The following ADAT1 variants were observed in gnomAD, a reference collection of about 807,000 sequenced individuals.
ADAT1 encodes the protein tRNA-specific adenosine deaminase 1.
A neutral mutation model predicts 58.6 loss-of-function variants in ADAT1; 58 were observed. The observed-to-expected ratio is 0.99, with a 90% CI of 0.80 to 1.23. The LOEUF is 1.23. Ranked by LOEUF, ADAT1 falls within the 50% of genes most tolerant of loss-of-function variation. ADAT1 has a pLI of 0.00. For missense variants in ADAT1, 741 were observed against 608.6 expected (o/e 1.22, Z -2.29); for synonymous variants, 254 against 220.8 (o/e 1.15, Z -1.33).
At chr16:75,612,906 T>C (rs766981904) in intron 5 of ADAT1, 45 bp from the exon 6 acceptor site, 8 of 1,569,314 alleles carry the variant, frequency 5.1e-6, no homozygotes, top group East Asian at 2.2e-5. Context: ...TCAAGTGAGG[T>C]CCCTGGACCA....
intron 6 of ADAT1, among the ~76,000 whole-genome samples, chr16:75,611,165 T>C (rs756630796): frequency 6.6e-6 from 1 of 152,078 alleles, no homozygotes. Context: ...TTAAAAAACA[T>C]ATATAATGGC....
At chr16:75,607,961 T>C (rs77451730) in intron 8 of ADAT1, among the ~76,000 whole-genome samples, 1,874 of 152,260 alleles carry the variant, frequency 0.012, 45 homozygotes, top group African/African-American at 0.042. Flanking sequence ...CAAAACACTA[T>C]GCTAAGTGAA....
At chr16:75,617,302 A>G (rs754796582) in intron 4 of ADAT1, 30 bp from the exon 5 acceptor site, 2 of 1,601,630 alleles carry the variant, frequency 1.2e-6, no homozygotes, top group Admixed American at 3.4e-5. Flanking sequence ...ATTAGGATGA[A>G]CAACCGATCT....
chr16:75,614,755 G>A (rs1010474758), intron 5 of ADAT1, among the ~76,000 whole-genome samples: 8 of 152,156 alleles, frequency 5.3e-5, no homozygotes, highest in African/African-American at 1.9e-4. Context: ...TTACTCATAG[G>A]ATGTAAATAC....
intron 1 of ADAT1, among the ~76,000 whole-genome samples, chr16:75,621,163 T>C (rs781141004): frequency 4.6e-5 from 7 of 152,080 alleles, no homozygotes; most frequent in Non-Finnish European, 8.8e-5. Flanking sequence ...GGAAACGGCA[T>C]GTAAAGGGTT....
intron 8 of ADAT1, among the ~76,000 whole-genome samples, chr16:75,605,942 A>G (rs1297077981): frequency 6.6e-6 from 1 of 151,104 alleles, no homozygotes; most frequent in Admixed American, 6.6e-5. Flanking sequence ...TGTCTCAAAA[A>G]AAAAAAAAAA....
chr16:75,618,509 CAAAA>C (rs535021597), intron 4 of ADAT1, 73 bp downstream of exon 4: 592 of 778,616 alleles, frequency 7.6e-4, no homozygotes, highest in Non-Finnish European at 8.8e-4. Flanking sequence ...CTGTCCCCCC[CAAAA>C]AAAAAAAAAA....
chr16:75,618,564 T>C (rs761397194), intron 4 of ADAT1, 22 bp downstream of exon 4: 68 of 1,457,386 alleles, frequency 4.7e-5, no homozygotes, highest in Middle Eastern at 1.8e-4. Context: ...TGCTGAACCA[T>C]ACTCTGGAGA....
At chr16:75,622,028 T>C (rs1227570029) in intron 1 of ADAT1, among the ~76,000 whole-genome samples, 1 of 152,134 alleles carries the variant, frequency 6.6e-6, no homozygotes, top group Non-Finnish European at 1.5e-5. Context: ...CGCGTGCCTG[T>C]AGTCCCAGCT....
chr16:75,605,342 G>A (rs1352196109), intron 8 of ADAT1, among the ~76,000 whole-genome samples: 2 of 152,090 alleles, frequency 1.3e-5, no homozygotes, highest in Non-Finnish European at 2.9e-5. Flanking sequence ...GCCTGCCTCG[G>A]CCTCCCAAAG....
At chr16:75,608,467 G>T in intron 7 of ADAT1, 144 bp from the exon 8 acceptor site, 3 of 671,896 alleles carry the variant, frequency 4.5e-6, no homozygotes, top group South Asian at 1.9e-5. Flanking sequence ...TTGGATGCTT[G>T]GCCTCCAGGG....
intron 9 of ADAT1, among the ~76,000 whole-genome samples, chr16:75,601,381 C>T (rs1409659497): frequency 6.6e-6 from 1 of 151,966 alleles, no homozygotes; most frequent in Non-Finnish European, 1.5e-5. Flanking sequence ...TATCAAAACC[C>T]TACTACAAAC....
At chr16:75,614,993 G>A (rs2081655431) in intron 5 of ADAT1, among the ~76,000 whole-genome samples, 1 of 152,138 alleles carries the variant, frequency 6.6e-6, no homozygotes, top group South Asian at 2.1e-4. Flanking sequence ...GGGAGGCCGA[G>A]GTGGGCGAAT....
At position 75,617,341 on chromosome 16, in the gene ADAT1, G is replaced by A. The variant is rs189664256; in HGVS notation, c.294-69C>T. Reference sequence around the variant, plus strand: ...TGGTAAGGGGAAAGCCTCTGGTTGGGTGATTACTAAGACAGCTTACTGTAG... The same window carrying A: ...TGGTAAGGGGAAAGCCTCTGGTTGGATGATTACTAAGACAGCTTACTGTAG... On this transcript the variant is annotated intron_variant, in intron 4 of 9. Coordinates refer to ENST00000564657, the MANE Select transcript of ADAT1 (RefSeq NM_001324445.2). 182 of 1,555,934 alleles carry A rather than the reference G, an allele frequency of 1.2e-4. 1 individual carries two copies. The East Asian group carries it at 2.2e-3, about 19-fold the overall frequency.
chr16:75,619,047 C>T (rs1199104310), intron 3 of ADAT1, among the ~76,000 whole-genome samples: 4 of 152,170 alleles, frequency 2.6e-5, no homozygotes, highest in Admixed American at 6.5e-5. Flanking sequence ...AAACCTCATT[C>T]GGAGAACAAA....
intron 8 of ADAT1, among the ~76,000 whole-genome samples, chr16:75,607,828 A>C (rs1324364908): frequency 6.6e-6 from 1 of 152,220 alleles, no homozygotes; most frequent in African/African-American, 2.4e-5. Context: ...CAAAGAGTGA[A>C]ACAACCCAAA....
intron 4 of ADAT1, among the ~76,000 whole-genome samples, chr16:75,617,936 A>C (rs1006387893): frequency 4.2e-5 from 6 of 142,954 alleles, no homozygotes; most frequent in Admixed American, 6.9e-5. Flanking sequence ...AAAAAAAAAA[A>C]CCCAGGAAAA....
In ADAT1 at chr16:75,603,147, G is replaced by A; in HGVS notation, c.1314C>T (p.Leu438=). 1.2e-6 allele frequency: 2 copies of A among 1,614,108 alleles called. No individual in the cohort carries two copies. Among genetic ancestry groups the A allele is most frequent in the Non-Finnish European group, 1.7e-6 (2 of 1,179,954 alleles). Residue 438 remains leucine (L), a synonymous_variant, in exon 9 of 10, where the codon CTC becomes CTT. Coordinates refer to ENST00000564657, the MANE Select transcript of ADAT1 (RefSeq NM_001324445.2). ...TTAGCAGCTTCTGGAATGATCTGAA[G>A]AGTTCCACTTTGCTGATTTGGGATC... ...QARSQISKVE[L]FRSFQKLLSR...
At chr16:75,618,309 A>G (rs2081806713) in intron 4 of ADAT1, among the ~76,000 whole-genome samples, 1 of 151,930 alleles carries the variant, frequency 6.6e-6, no homozygotes, top group East Asian at 1.9e-4. Context: ...GTTTAAAACC[A>G]GCCTGGCCAG....
Sources: allele counts gnomAD v4.1 joint callset (sites outside exome capture counted in the v4.1 genomes callset), GRCh38; gene constraint gnomAD v4.1.1; transcripts MANE v1.5; gene names NCBI Gene and HGNC (gene_info 2026-07-23, HGNC 2026-07-21).